BBS9: variants seen among roughly 807,000 people sequenced by gnomAD.
BBS9 encodes the protein Bardet-Biedl syndrome 9.
BBS9 carries 89 observed loss-of-function variants against 117.7 expected under a neutral mutation model. The observed-to-expected ratio is 0.76, with a 90% CI of 0.64 to 0.90. BBS9 has a LOEUF of 0.90. Among genes scored for constraint, BBS9 ranks in the 40% least tolerant of loss-of-function variants. The pLI, the probability that BBS9 is intolerant of heterozygous loss-of-function variation, is 0.00. For missense variants in BBS9, 982 were observed against 1,042.2 expected (o/e 0.94, Z 0.80); for synonymous variants, 379 against 370.9 (o/e 1.02, Z -0.25).
intron 18 of BBS9, among the ~76,000 whole-genome samples, chr7:33,384,713 T>TGAGAGAGA (rs1194021283): frequency 7.3e-6 from 1 of 136,208 alleles, no homozygotes; most frequent in African/African-American, 2.9e-5. Flanking sequence ...TGTGTGTGTG[T>TGAGAGAGA]GTGAGAGAGA....
intron 7 of BBS9, among the ~76,000 whole-genome samples, chr7:33,270,021 C>CAAAA (rs148600222): frequency 8.8e-5 from 11 of 124,754 alleles, no homozygotes; most frequent in African/African-American, 3.3e-4. Context: ...GACTCTGTCT[C>CAAAA]AAAAAAAAAA....
chr7:33,373,400 A>C (rs1823226668), intron 17 of BBS9, among the ~76,000 whole-genome samples: 1 of 152,164 alleles, frequency 6.6e-6, no homozygotes, highest in African/African-American at 2.4e-5. Flanking sequence ...CTGAATAGAC[A>C]CATACTCTCA....
chr7:33,300,612 GTT>G (rs374179445), intron 9 of BBS9, among the ~76,000 whole-genome samples: 1 of 136,026 alleles, frequency 7.4e-6, no homozygotes, highest in Non-Finnish European at 1.6e-5. Context: ...GACTTTCCTT[GTT>G]TTTTTTTTTT....
At chr7:33,472,174 G>T (rs1841132761) in intron 19 of BBS9, among the ~76,000 whole-genome samples, 1 of 152,144 alleles carries the variant, frequency 6.6e-6, no homozygotes, top group South Asian at 2.1e-4. Flanking sequence ...CTCTTGCAGA[G>T]AAATGATATT....
intron 19 of BBS9, among the ~76,000 whole-genome samples, chr7:33,412,349 A>G (rs1420540654): frequency 2.6e-5 from 4 of 152,202 alleles, no homozygotes; most frequent in African/African-American, 7.2e-5. Context: ...GCCTGGTGTG[A>G]TGCATTCTAG....
intron 21 of BBS9, among the ~76,000 whole-genome samples, chr7:33,557,713 T>C (rs993459570): frequency 6.6e-5 from 10 of 152,338 alleles, no homozygotes; most frequent in African/African-American, 2.2e-4. Context: ...GCATCTAAGT[T>C]GATAATGCTG....
intron 17 of BBS9, among the ~76,000 whole-genome samples, chr7:33,379,493 A>G (rs1275448325): frequency 6.6e-6 from 1 of 152,200 alleles, no homozygotes; most frequent in Non-Finnish European, 1.5e-5. Context: ...AAGCTTATTC[A>G]GAATCCTTCT....
At chr7:33,331,369 A>C (rs1305362510) in intron 9 of BBS9, among the ~76,000 whole-genome samples, 1 of 152,212 alleles carries the variant, frequency 6.6e-6, no homozygotes, top group Non-Finnish European at 1.5e-5. Context: ...TAAGACAAGG[A>C]TGTCCACTTC....
chr7:33,184,092 G>GCA (rs1251959588), intron 5 of BBS9, among the ~76,000 whole-genome samples: 19 of 137,260 alleles, frequency 1.4e-4, no homozygotes, highest in East Asian at 4.7e-4. Context: ...TAAGCAGTTT[G>GCA]CACACAGAGA....
chr7:33,589,263 G>C (rs1861472020), intron 21 of BBS9, among the ~76,000 whole-genome samples: 1 of 152,144 alleles, frequency 6.6e-6, no homozygotes, highest in Non-Finnish European at 1.5e-5. Flanking sequence ...AGCATATGCA[G>C]CATGGATGTG....
chr7:33,628,860 A>G (rs1053053514), intron 21 of BBS9, among the ~76,000 whole-genome samples: 3 of 152,246 alleles, frequency 2.0e-5, no homozygotes, highest in Admixed American at 6.5e-5. Context: ...GATAATATCC[A>G]TATATTACCC....
chr7:33,344,174 C>T (rs1261886965), intron 11 of BBS9, among the ~76,000 whole-genome samples: 2 of 148,482 alleles, frequency 1.3e-5, no homozygotes, highest in African/African-American at 2.5e-5. Context: ...CTCCGCCTCC[C>T]GGGTTCATGC....
chr7:33,288,446 T>A (rs956814778), intron 9 of BBS9, among the ~76,000 whole-genome samples: 1 of 152,152 alleles, frequency 6.6e-6, no homozygotes, highest in Non-Finnish European at 1.5e-5. Context: ...AAAATGTTAT[T>A]CTGGGAATTC....
chr7:33,140,028 CT>C lies in BBS9; in HGVS notation c.-11-6209del, dbSNP rs1367673421. On this transcript the variant is annotated intron_variant, in intron 1 of 22. Transcript: ENST00000242067. Reference sequence around the variant, plus strand: ...GTTAAGCTTCTGGTAGATTCCTCTTCTTTTTCTTTTTTTTGGAGATGGAGTC... The same window carrying C: ...GTTAAGCTTCTGGTAGATTCCTCTTCTTTTCTTTTTTTTGGAGATGGAGTC... 5.3e-5 allele frequency among the ~76,000 whole-genome samples: 8 copies of C among 151,728 alleles called. No homozygotes were observed. In the South Asian group the frequency reaches 1.2e-3, roughly 24 times the overall value.
intron 5 of BBS9, among the ~76,000 whole-genome samples, chr7:33,232,521 A>AT (rs1013714974): frequency 9.2e-5 from 14 of 151,830 alleles, no homozygotes; most frequent in Admixed American, 3.3e-4. Context: ...ACAGTTCTTC[A>AT]TTTTTTTTAA....
intron 19 of BBS9, among the ~76,000 whole-genome samples, chr7:33,485,093 T>C (rs1317738253): frequency 6.6e-6 from 1 of 151,998 alleles, no homozygotes; most frequent in Non-Finnish European, 1.5e-5. Flanking sequence ...AGCTGAACGA[T>C]GAGAACACAT....
chr7:33,582,305 G>T (rs576468818), intron 21 of BBS9, among the ~76,000 whole-genome samples: 16 of 152,190 alleles, frequency 1.1e-4, no homozygotes, highest in African/African-American at 3.9e-4. Flanking sequence ...GGGGCACAGT[G>T]TGAGGAGGCT....
intron 19 of BBS9, among the ~76,000 whole-genome samples, chr7:33,445,672 C>G (rs1836879101): frequency 6.6e-6 from 1 of 152,162 alleles, no homozygotes; most frequent in Non-Finnish European, 1.5e-5. Flanking sequence ...CCGCCCAAAT[C>G]TCATCTTGAA....
chr7:33,219,142 T>A (rs1789674505), intron 5 of BBS9, among the ~76,000 whole-genome samples: 1 of 152,206 alleles, frequency 6.6e-6, no homozygotes, highest in African/African-American at 2.4e-5. Context: ...GAGGGTATAC[T>A]GGGTCCCCCA....
Sources: allele counts gnomAD v4.1 joint callset (sites outside exome capture counted in the v4.1 genomes callset), GRCh38; gene constraint gnomAD v4.1.1; transcripts MANE v1.5; gene names NCBI Gene and HGNC (gene_info 2026-07-23, HGNC 2026-07-21).